Variants in GPR158 observed in about 807,000 individuals in gnomAD.
GPR158 encodes G protein-coupled receptor 158.
In GPR158, 30 loss-of-function variants were observed where a neutral mutation model predicts 78.2. The observed-to-expected ratio is 0.38, with a 90% CI of 0.29 to 0.52. The LOEUF is 0.52. Ranked by LOEUF, GPR158 falls within the 20% of genes least tolerant of loss-of-function variation. The pLI is 0.83. For synonymous variants in GPR158, 581 were observed against 591.1 expected (o/e 0.98, Z 0.25); for missense variants, 1,463 against 1,523.5 (o/e 0.96, Z 0.66).
At chr10:25,484,687 A>G (rs77010931) in intron 5 of GPR158, among the ~76,000 whole-genome samples, 7,341 of 152,264 alleles carry the variant, frequency 0.048, 489 homozygotes, top group African/African-American at 0.15. Flanking sequence ...GTGAAGTATC[A>G]GTTCATTTCT....
intron 2 of GPR158, among the ~76,000 whole-genome samples, chr10:25,228,800 G>A (rs1853408549): frequency 2.0e-5 from 3 of 152,112 alleles, no homozygotes. Flanking sequence ...GGGAGGCCAA[G>A]GCAGACGGAT....
intron 2 of GPR158, among the ~76,000 whole-genome samples, chr10:25,241,757 T>C (rs879848770): frequency 7.2e-5 from 11 of 152,158 alleles, no homozygotes; most frequent in Non-Finnish European, 1.5e-4. Context: ...AACTCTATTC[T>C]ACTTCCTTAT....
intron 2 of GPR158, among the ~76,000 whole-genome samples, chr10:25,344,657 T>A (rs1414652753): frequency 6.6e-6 from 1 of 152,018 alleles, no homozygotes; most frequent in Non-Finnish European, 1.5e-5. Context: ...AACTCCAGTG[T>A]TATTCATAGT....
At chr10:25,508,530 T>C (rs1836043076) in intron 5 of GPR158, among the ~76,000 whole-genome samples, 1 of 152,304 alleles carries the variant, frequency 6.6e-6, no homozygotes. Context: ...TATAAAGGCA[T>C]TTTGTGCACA....
intron 3 of GPR158, among the ~76,000 whole-genome samples, chr10:25,408,132 A>G (rs376178316): frequency 6.6e-5 from 10 of 152,224 alleles, no homozygotes; most frequent in Non-Finnish European, 8.8e-5. Context: ...AATGTTGCCA[A>G]TGTCTTCCTA....
intron 5 of GPR158, among the ~76,000 whole-genome samples, chr10:25,473,749 T>A (rs1835543160): frequency 6.6e-6 from 1 of 152,112 alleles, no homozygotes; most frequent in South Asian, 2.1e-4. Context: ...CATAGAGGTG[T>A]TTATAGTCTT....
chr10:25,566,168 T>A (rs1855671), intron 6 of GPR158, among the ~76,000 whole-genome samples: 71 of 152,018 alleles, frequency 4.7e-4, no homozygotes, highest in Admixed American at 8.5e-4. Flanking sequence ...CATAGATAAG[T>A]TCTGCTGGTC....
At chr10:25,422,015 A>T (rs372434009) in intron 4 of GPR158, among the ~76,000 whole-genome samples, 3 of 152,090 alleles carry the variant, frequency 2.0e-5, no homozygotes, top group Non-Finnish European at 4.4e-5. Context: ...CTTTTGGCCA[A>T]TATTTTCTCA....
At chr10:25,575,368 A>C (rs1320310720) in intron 7 of GPR158, among the ~76,000 whole-genome samples, 1 of 152,148 alleles carries the variant, frequency 6.6e-6, no homozygotes, top group Non-Finnish European at 1.5e-5. Context: ...CACCAAACTC[A>C]CCAAATTCAG....
intron 2 of GPR158, among the ~76,000 whole-genome samples, chr10:25,348,533 A>G (rs1670179324): frequency 6.6e-6 from 1 of 151,952 alleles, no homozygotes; most frequent in African/African-American, 2.4e-5. Flanking sequence ...CAAATAGTAC[A>G]CTGGTGTCAA....
chr10:25,465,788 G>A (rs537007990), intron 4 of GPR158, among the ~76,000 whole-genome samples: 82 of 152,286 alleles, frequency 5.4e-4, no homozygotes, highest in African/African-American at 1.9e-3. Context: ...GTTTAGGAAT[G>A]GCATTCAGTA....
intron 2 of GPR158, among the ~76,000 whole-genome samples, chr10:25,240,368 G>T (rs1666192310): frequency 6.6e-6 from 1 of 152,158 alleles, no homozygotes; most frequent in Non-Finnish European, 1.5e-5. Context: ...AATTAGCTAG[G>T]CATGGTGGTG....
chr10:25,472,690 G>C (rs7087245), intron 5 of GPR158, among the ~76,000 whole-genome samples: 4,601 of 152,258 alleles, frequency 0.03, 118 homozygotes, highest in African/African-American at 0.068. Flanking sequence ...TCCCTTGTAA[G>C]TTGGATTCCT....
At chr10:25,549,438 GA>G (rs891490304) in intron 5 of GPR158, among the ~76,000 whole-genome samples, 1 of 150,286 alleles carries the variant, frequency 6.7e-6, no homozygotes, top group African/African-American at 2.4e-5. Flanking sequence ...CTTGTTTTGT[GA>G]AAACAGTAAA....
intron 5 of GPR158, among the ~76,000 whole-genome samples, chr10:25,476,984 T>C (rs1437661931): frequency 1.3e-5 from 2 of 152,176 alleles, no homozygotes; most frequent in African/African-American, 4.8e-5. Context: ...ATCTTAACTA[T>C]AAAAAAGGCA....
intron 1 of GPR158, among the ~76,000 whole-genome samples, chr10:25,194,006 A>G (rs1852811523): frequency 6.6e-6 from 1 of 152,334 alleles, no homozygotes; most frequent in Non-Finnish European, 1.5e-5. Context: ...CAGTAGCAGG[A>G]TAAGGGAAGA....
chr10:25,586,963 G>A (rs58254885), intron 7 of GPR158, among the ~76,000 whole-genome samples: 44,348 of 152,112 alleles, frequency 0.29, 6,934 homozygotes, highest in East Asian at 0.49. Context: ...CTTTAATCAG[G>A]TACTATAGCC....
chr10:25,447,509 C>T (rs1006782502), intron 4 of GPR158, among the ~76,000 whole-genome samples: 6 of 152,132 alleles, frequency 3.9e-5, no homozygotes, highest in African/African-American at 1.4e-4. Context: ...CGTTCCTTTC[C>T]TTGCAGGGCT....
chr10:25,596,518 G>C lies in GPR158; in HGVS notation c.1999-125G>C. 4.9e-6 allele frequency: 3 copies of C among 614,806 alleles called. No homozygotes were observed. The South Asian group carries it at 5.3e-5, about 11-fold the overall frequency. 38.1% of individuals were successfully genotyped at this position (614,806 alleles called of 1,614,324 possible). ...CTCTATCTATCTATCTATATATATA[G>C]ATAGATAGATAGATCTAGGTATAGA... On this transcript the variant is annotated intron_variant, in intron 9 of 10. Coordinates refer to ENST00000376351, the MANE Select transcript of GPR158 (RefSeq NM_020752.3).
Sources: allele counts gnomAD v4.1 joint callset (sites outside exome capture counted in the v4.1 genomes callset), GRCh38; gene constraint gnomAD v4.1.1; transcripts MANE v1.5; gene names NCBI Gene and HGNC (gene_info 2026-07-23, HGNC 2026-07-21).